The following GAD2 variants were observed in gnomAD, a reference collection of about 807,000 sequenced individuals.
GAD2 encodes the protein 65 kDa glutamic acid decarboxylase.
A neutral mutation model predicts 80.1 loss-of-function variants in GAD2; 22 were observed. The ratio of observed to expected loss-of-function variants is 0.27; its 90% CI spans 0.20 to 0.39. The LOEUF is 0.39. Ranked by LOEUF, GAD2 falls within the 10% of genes least tolerant of loss-of-function variation. The pLI, the probability that GAD2 is intolerant of heterozygous loss-of-function variation, is 1.00. For missense variants in GAD2, 624 were observed against 738.4 expected, an observed-to-expected ratio of 0.85 and a Z score of 1.80; for synonymous variants, 274 against 256.9, an observed-to-expected ratio of 1.07 and a Z score of -0.64.
At chr10:26,293,474 G>A (rs976021619) in intron 15 of GAD2, among the ~76,000 whole-genome samples, 16 of 152,200 alleles carry the variant, frequency 1.1e-4, no homozygotes, top group African/African-American at 3.6e-4. Context: ...CACTGTGCCC[G>A]GCCTATGCAG....
chr10:26,297,462 AG>A (rs1327326940), intron 15 of GAD2, among the ~76,000 whole-genome samples: 1 of 152,208 alleles, frequency 6.6e-6, no homozygotes, highest in East Asian at 1.9e-4. Flanking sequence ...GGACTGAAAA[AG>A]CTAATGGCAC....
At chr10:26,232,357 A>T (rs376192518) in intron 7 of GAD2, among the ~76,000 whole-genome samples, 3 of 152,132 alleles carry the variant, frequency 2.0e-5, no homozygotes, top group East Asian at 1.9e-4. Context: ...TGAGCTTCTC[A>T]GCCTCATGCT....
At chr10:26,300,445 TG>T (rs1166357328) in intron 15 of GAD2, among the ~76,000 whole-genome samples, 1 of 152,086 alleles carries the variant, frequency 6.6e-6, no homozygotes, top group Non-Finnish European at 1.5e-5. Context: ...ACATTTACTG[TG>T]GGGGGAAAAT....
chr10:26,229,229 C>T (rs139590827), intron 6 of GAD2, among the ~76,000 whole-genome samples: 74 of 151,820 alleles, frequency 4.9e-4, no homozygotes, highest in African/African-American at 1.8e-3. Context: ...GCAGCTTACA[C>T]CAGTAACAGC....
chr10:26,274,024 C>T lies in GAD2; in HGVS notation c.1157+324C>T, dbSNP rs8190731. On this transcript the variant is annotated intron_variant, in intron 11 of 15. Transcript: ENST00000376261. ...AACCACAAAAATTGTTTAAAACCTA[C>T]AGGCAGCCCACGTTTTACTAGGGAG... is the stretch of plus-strand genomic sequence containing the variant. Among the ~76,000 whole-genome samples, 1,269 of 152,296 alleles carry T rather than the reference C, an allele frequency of 8.3e-3. 10 individuals are homozygous for T. Among genetic ancestry groups the T allele is most frequent in the Non-Finnish European group, 0.014 (926 of 68,024 alleles).
At chr10:26,272,316 T>C (rs1300319158) in intron 10 of GAD2, among the ~76,000 whole-genome samples, 1 of 152,182 alleles carries the variant, frequency 6.6e-6, no homozygotes, top group African/African-American at 2.4e-5. Context: ...GCTGGCTGAT[T>C]CAGGAAGAGG....
chr10:26,254,870 G>A (rs1056729296), intron 8 of GAD2, among the ~76,000 whole-genome samples: 2 of 152,220 alleles, frequency 1.3e-5, no homozygotes, highest in Non-Finnish European at 2.9e-5. Context: ...TTGGTGTGCA[G>A]GTTGAGACAG....
chr10:26,265,817 T>G (rs1402648551), intron 8 of GAD2, among the ~76,000 whole-genome samples: 1 of 152,208 alleles, frequency 6.6e-6, no homozygotes, highest in East Asian at 1.9e-4. Flanking sequence ...CCAGGACTGA[T>G]CCAACAGCTT....
intron 10 of GAD2, 96 bp downstream of exon 10, chr10:26,270,852 T>C (rs1420787694): frequency 7.0e-6 from 6 of 857,554 alleles, no homozygotes; most frequent in Non-Finnish European, 1.2e-5. Context: ...TTTAACTTGG[T>C]CAGCTTATTT....
At chr10:26,284,564 C>CTTTTTTTT (rs35046451) in intron 12 of GAD2, among the ~76,000 whole-genome samples, 11 of 93,158 alleles carry the variant, frequency 1.2e-4, no homozygotes, top group African/African-American at 2.0e-4. Context: ...GGCTGTTCAG[C>CTTTTTTTT]TTTTTTTTTT....
chr10:26,297,860 G>A (rs551229447), intron 15 of GAD2, among the ~76,000 whole-genome samples: 74 of 152,318 alleles, frequency 4.9e-4, no homozygotes, highest in Non-Finnish European at 9.6e-4. Flanking sequence ...TTGGGGGAAA[G>A]CTATCCATAT....
Position 26,273,698 on chromosome 10 carries a change from G to T in GAD2, c.1155G>T (p.Glu385Asp), listed in dbSNP as rs1209663550. 6.2e-7 allele frequency: 1 copy of T among 1,613,140 alleles called. No individual in the cohort carries two copies. The highest frequency in any genetic ancestry group is 8.5e-7 in the Non-Finnish European group (1 of 1,179,400). The change falls in exon 11 of 16, where the codon GAG (glutamate) becomes GAT (aspartate). Residue 385 changes from glutamate to aspartate, a missense_variant and splice_region_variant. Coordinates refer to ENST00000376261, the MANE Select transcript of GAD2 (RefSeq NM_001134366.2). ...ACAAGTGGAAACTGAGTGGCGTGGA[G>T]AGGTATGTTGCATTTTTCTTATTAA... ...RKHKWKLSGV[E>D]RANSVTWNPH...
intron 8 of GAD2, among the ~76,000 whole-genome samples, chr10:26,246,394 TAGGG>T (rs1844811448): frequency 6.6e-6 from 1 of 152,034 alleles, no homozygotes; most frequent in Admixed American, 6.6e-5. Flanking sequence ...GGACGTAGTA[TAGGG>T]AGCAGGAAGT....
rs564627588 is a variant in GAD2, at chr10:26,296,315, T to G, written c.1584+3324T>G. ...AAAATTCAGTCTATAGCAAATACCT[T>G]AGGCATATTCCAGAATAAGGAAGGG... On this transcript the variant is annotated intron_variant, in intron 15 of 15. Coordinates refer to ENST00000376261, the MANE Select transcript of GAD2 (RefSeq NM_001134366.2). Among the ~76,000 whole-genome samples, 10 of 152,312 alleles carry G rather than the reference T, an allele frequency of 6.6e-5. No individual in the cohort carries two copies. The East Asian group carries it at 1.9e-3, about 29-fold the overall frequency.
At chr10:26,242,465 C>G in intron 7 of GAD2, among the ~76,000 whole-genome samples, 1 of 152,160 alleles carries the variant, frequency 6.6e-6, no homozygotes, top group East Asian at 1.9e-4. Flanking sequence ...CACATGTGGT[C>G]TCGCCGGCCC....
intron 12 of GAD2, among the ~76,000 whole-genome samples, chr10:26,282,918 A>C (rs1442521867): frequency 6.6e-6 from 1 of 152,202 alleles, no homozygotes; most frequent in Non-Finnish European, 1.5e-5. Context: ...GTTTTTCATC[A>C]GTTAAAAATC....
intron 11 of GAD2, among the ~76,000 whole-genome samples, chr10:26,274,170 C>G (rs1029428347): frequency 6.6e-6 from 1 of 152,174 alleles, no homozygotes; most frequent in African/African-American, 2.4e-5. Flanking sequence ...GGTTTGGGGT[C>G]TAAGATGGCC....
At chr10:26,251,808 C>T (rs1423814239) in intron 8 of GAD2, among the ~76,000 whole-genome samples, 13 of 152,172 alleles carry the variant, frequency 8.5e-5, no homozygotes, top group Non-Finnish European at 1.9e-4. Flanking sequence ...TATATGGCAT[C>T]TTTGACTCTA....
chr10:26,255,933 G>C (rs766120165), intron 8 of GAD2, among the ~76,000 whole-genome samples: 13 of 151,942 alleles, frequency 8.6e-5, no homozygotes, highest in Non-Finnish European at 1.5e-4. Context: ...AAGGAGGGGA[G>C]GGGCCAGCCT....
Sources: gnomAD v4.1 joint callset for allele counts (sites outside exome capture counted in the v4.1 genomes callset) on GRCh38, gnomAD v4.1.1 for gene constraint, MANE v1.5 for transcripts, NCBI Gene and HGNC (gene_info 2026-07-23, HGNC 2026-07-21) for gene names.